Variants in TUSC3 observed in about 807,000 individuals in gnomAD.
The protein encoded by TUSC3 is tumor suppressor candidate 3.
A neutral mutation model predicts 44.8 loss-of-function variants in TUSC3; 45 were observed. The observed-to-expected ratio is 1.00, with a 90% CI of 0.79 to 1.29. The LOEUF is 1.29. TUSC3 is among the 50% of genes most tolerant of loss of function. TUSC3 has a pLI of 0.00. For missense variants in TUSC3, 519 were observed against 437.9 expected, an observed-to-expected ratio of 1.19 and a Z score of -1.65; for synonymous variants, 212 against 152.9, an observed-to-expected ratio of 1.39 and a Z score of -2.85.
At chr8:15,601,917 AT>A (rs5889587) in intron 1 of TUSC3, among the ~76,000 whole-genome samples, 1 of 149,244 alleles carries the variant, frequency 6.7e-6, no homozygotes, top group African/African-American at 2.5e-5. Flanking sequence ...TTATTTATGT[AT>A]TTTTTTTTAG....
At chr8:15,664,437 TTTATTATTATTATTA>T (rs56049201) in intron 5 of TUSC3, among the ~76,000 whole-genome samples, 1,874 of 143,870 alleles carry the variant, frequency 0.013, 33 homozygotes, top group African/African-American at 0.041. Context: ...GTTATACAGA[TTTATTATTATTATTA>T]TTATTATTAT....
intron 1 of TUSC3, among the ~76,000 whole-genome samples, chr8:15,452,405 G>T (rs553930346): frequency 6.6e-6 from 1 of 152,126 alleles, no homozygotes; most frequent in African/African-American, 2.4e-5. Context: ...GATTACTCAC[G>T]CCTTTAATTA....
chr8:15,740,837 T>C (rs1811161643), intron 7 of TUSC3, among the ~76,000 whole-genome samples: 1 of 152,204 alleles, frequency 6.6e-6, no homozygotes. Flanking sequence ...GAAAATATAT[T>C]CTTTGCAGGA....
the TUSC3 span, among the ~76,000 whole-genome samples, chr8:15,808,893 TACAA>T: frequency 6.6e-6 from 1 of 151,986 alleles, no homozygotes; most frequent in Non-Finnish European, 1.5e-5. Context: ...ATTTATAGAG[TACAA>T]ACAAATTATA....
chr8:15,616,188 T>C (rs1288997943), intron 1 of TUSC3, among the ~76,000 whole-genome samples: 1 of 152,212 alleles, frequency 6.6e-6, no homozygotes, highest in Non-Finnish European at 1.5e-5. Context: ...TTTTTTGCTT[T>C]TTTTCAATAG....
intron 7 of TUSC3, among the ~76,000 whole-genome samples, chr8:15,732,204 G>C (rs1449725265): frequency 6.6e-6 from 1 of 152,062 alleles, no homozygotes; most frequent in Admixed American, 6.6e-5. Context: ...ATATGGTTTG[G>C]CTCTGTGTCC....
At chr8:15,458,110 G>A (rs748104901) in intron 1 of TUSC3, among the ~76,000 whole-genome samples, 3 of 151,964 alleles carry the variant, frequency 2.0e-5, no homozygotes, top group African/African-American at 2.4e-5. Context: ...AGGAAATGAA[G>A]GAATTTAGGA....
intron 1 of TUSC3, among the ~76,000 whole-genome samples, chr8:15,569,285 T>C (rs1023460942): frequency 1.3e-5 from 2 of 152,188 alleles, no homozygotes; most frequent in Non-Finnish European, 2.9e-5. Context: ...TATATCTCTA[T>C]ATAGTTTTTC....
At chr8:15,735,297 T>C (rs1810883078) in intron 7 of TUSC3, among the ~76,000 whole-genome samples, 2 of 151,934 alleles carry the variant, frequency 1.3e-5, no homozygotes, top group African/African-American at 4.8e-5. Flanking sequence ...AGAAACAAAA[T>C]TGATAATAAA....
chr8:15,813,425 C>G, the TUSC3 span, among the ~76,000 whole-genome samples: 2 of 142,754 alleles, frequency 1.4e-5, no homozygotes, highest in African/African-American at 6.1e-5. Flanking sequence ...TCTGCCATCT[C>G]TGGGGTTTTC....
the TUSC3 span, among the ~76,000 whole-genome samples, chr8:15,838,374 A>C: frequency 1.3e-5 from 2 of 152,264 alleles, no homozygotes; most frequent in East Asian, 3.9e-4. Flanking sequence ...TTCTATTTTA[A>C]TAAAGTCATA....
chr8:15,802,790 A>G, the TUSC3 span, among the ~76,000 whole-genome samples: 1 of 152,148 alleles, frequency 6.6e-6, no homozygotes, highest in African/African-American at 2.4e-5. Context: ...ATATCTTCTC[A>G]AAAGCAAAGC....
At chr8:15,843,400 G>C in the TUSC3 span, among the ~76,000 whole-genome samples, 2 of 152,056 alleles carry the variant, frequency 1.3e-5, no homozygotes, top group African/African-American at 2.4e-5. Context: ...AAATTCTGCA[G>C]AATGTTATTT....
intron 1 of TUSC3, among the ~76,000 whole-genome samples, chr8:15,551,353 A>G (rs368892399): frequency 5.9e-5 from 9 of 151,694 alleles, no homozygotes; most frequent in East Asian, 5.8e-4. Flanking sequence ...ATCAAAGCTA[A>G]TTTTATGTTT....
chr8:15,419,352 A>G (rs751481544), intron 1 of TUSC3, among the ~76,000 whole-genome samples: 2 of 152,256 alleles, frequency 1.3e-5, no homozygotes, highest in Non-Finnish European at 2.9e-5. Context: ...TTTCCGTGCA[A>G]TCAATGTCTA....
chr8:15,597,307 C>A (rs1804114786), intron 1 of TUSC3, among the ~76,000 whole-genome samples: 1 of 152,098 alleles, frequency 6.6e-6, no homozygotes, highest in Non-Finnish European at 1.5e-5. Context: ...AAACCAGTAT[C>A]ATTTGGTTTA....
chr8:15,829,864 ATC>A, the TUSC3 span, among the ~76,000 whole-genome samples: 1 of 152,074 alleles, frequency 6.6e-6, no homozygotes, highest in Non-Finnish European at 1.5e-5. Context: ...TCTTTGAGAA[ATC>A]TCAATATTGT....
intron 2 of TUSC3, among the ~76,000 whole-genome samples, chr8:15,510,047 A>G (rs574138479): frequency 6.6e-6 from 1 of 152,108 alleles, no homozygotes; most frequent in African/African-American, 2.4e-5. Context: ...GAGGTGCACA[A>G]CTGTAGTCCT....
the TUSC3 span, among the ~76,000 whole-genome samples, chr8:15,824,752 A>T: frequency 2.0e-5 from 3 of 152,186 alleles, no homozygotes; most frequent in East Asian, 1.9e-4. Flanking sequence ...AAAGTGTAAT[A>T]AAAAAAACCT....
Sources: allele counts gnomAD v4.1 joint callset (sites outside exome capture counted in the v4.1 genomes callset), GRCh38; gene constraint gnomAD v4.1.1; transcripts MANE v1.5; gene names NCBI Gene and HGNC (gene_info 2026-07-23, HGNC 2026-07-21).